EMILIN2: variants seen among roughly 807,000 people sequenced by gnomAD.
EMILIN2 encodes the protein elastin microfibril interfacer 2.
Under a neutral mutation model 87.1 loss-of-function variants are expected in EMILIN2, and 71 were observed. The observed-to-expected ratio is 0.82, with a 90% confidence interval of 0.67 to 0.99. The LOEUF (loss-of-function observed/expected upper bound fraction) is 0.99, where lower values mean the gene tolerates loss of function less well. Among genes scored for constraint, EMILIN2 ranks in the 50% least tolerant of loss-of-function variants. The pLI, the probability that EMILIN2 is intolerant of heterozygous loss-of-function variation, is 0.00. For missense variants in EMILIN2, 1,407 were observed against 1,371.8 expected (o/e 1.03, Z -0.40); for synonymous variants, 581 against 563.4 (o/e 1.03, Z -0.44).
chr18:2,854,866 C>G (rs1415765111), intron 2 of EMILIN2, among the ~76,000 whole-genome samples: 1 of 152,204 alleles, frequency 6.6e-6, no homozygotes, highest in Admixed American at 6.5e-5. Flanking sequence ...TTACATCTTC[C>G]AGAGCCAGTT....
chr18:2,858,569 A>ATATATATGTG lies in EMILIN2; in HGVS notation c.257+10639_257+10640insATATATGTGT, dbSNP rs1305555851. On this transcript the variant is annotated intron_variant, in intron 2 of 7. Coordinates refer to ENST00000254528, the MANE Select transcript of EMILIN2 (RefSeq NM_032048.3). ...TATATATATATATATATATATATATATGTGTGTGTGTGTGTATATATATAT... is the reference window on the plus strand; with the variant it reads ...TATATATATATATATATATATATATATATATATGTGTGTGTGTGTGTGTGTATATATATAT... 4.5e-4 allele frequency among the ~76,000 whole-genome samples: 25 copies of ATATATATGTG among 55,372 alleles called. 1 individual carries two copies. The highest frequency in any genetic ancestry group is 1.6e-3 in the African/African-American group (14 of 8,488). The allele number at this position is 55,372 out of a possible 152,430, so 36.3% of individuals were successfully genotyped here.
intron 2 of EMILIN2, among the ~76,000 whole-genome samples, chr18:2,855,901 G>A (rs529386268): frequency 1.6e-4 from 25 of 152,202 alleles, no homozygotes; most frequent in East Asian, 1.9e-4. Flanking sequence ...AACACTCACC[G>A]TTTTCATTGT....
chr18:2,848,168 C>A lies in EMILIN2; in HGVS notation c.257+237C>A, dbSNP rs2076585845. On this transcript the variant is annotated intron_variant, in intron 2 of 7. Transcript: ENST00000254528. This position sits in a 1 kb window ranked among gnomAD's most constrained non-coding sequence, Gnocchi z 4.1. ...TGCGCGCGCCTCGGGAGTGTGGGGT[C>A]GCGGGGGCGTAGGAGAGGATGAACA... Among the ~76,000 whole-genome samples, 2 of 152,086 alleles carry A rather than the reference C, an allele frequency of 1.3e-5. No individual in the cohort carries two copies. Among genetic ancestry groups the A allele is most frequent in the African/African-American group, 4.8e-5 (2 of 41,396 alleles).
At chr18:2,868,385 C>G (rs1420413446) in intron 2 of EMILIN2, among the ~76,000 whole-genome samples, 1 of 152,238 alleles carries the variant, frequency 6.6e-6, no homozygotes, top group Non-Finnish European at 1.5e-5. Context: ...CTCCTCACTT[C>G]CCCGACAGGG....
chr18:2,853,775 T>C (rs1369955295), intron 2 of EMILIN2, among the ~76,000 whole-genome samples: 10 of 152,188 alleles, frequency 6.6e-5, no homozygotes, highest in Admixed American at 6.5e-4. Flanking sequence ...AGGGTGCATG[T>C]GTGATGCCTA....
rs1437095513 is a variant in EMILIN2, at chr18:2,891,136, C to CT, written c.1010dup (p.Ala338GlyfsTer2). The CT allele has an allele frequency of 6.2e-7, 1 of 1,614,196 alleles. No individual in the cohort carries two copies. Among genetic ancestry groups the CT allele is most frequent in the African/African-American group, 1.3e-5 (1 of 75,054 alleles). ...GCTCATGGAGGGCATGGACAGAAAG[C>CT]TGGCTGACCTGAAAAACTCATGTGA... On this transcript the variant is annotated frameshift_variant, in exon 4 of 8. Transcript: ENST00000254528. LOFTEE classifies it high-confidence loss of function. The surrounding 1 kb of genome is among the most constrained non-coding windows in gnomAD (Gnocchi z 4.6).
At chr18:2,881,941 TGGG>T (rs1260494885) in intron 2 of EMILIN2, among the ~76,000 whole-genome samples, 1 of 151,782 alleles carries the variant, frequency 6.6e-6, no homozygotes, top group Non-Finnish European at 1.5e-5. Context: ...TTGGCCGAAG[TGGG>T]GGTTGCCTAC....
intron 3 of EMILIN2, 93 bp downstream of exon 3, chr18:2,885,232 T>TTG (rs1301493401): frequency 6.3e-5 from 86 of 1,365,852 alleles, no homozygotes; most frequent in Non-Finnish European, 8.0e-5. Context: ...ATGGTGAGCT[T>TTG]TGAATGGCCT....
In EMILIN2 at chr18:2,892,397, G is replaced by T. The variant is rs764816991; in HGVS notation, c.2270G>T (p.Gly757Val). 7 of 1,614,056 alleles carry T rather than the reference G, an allele frequency of 4.3e-6. No homozygotes were observed. The Admixed American group carries it at 8.3e-5, about 19-fold the overall frequency. Residue 757 changes from glycine to valine, a missense_variant, in exon 4 of 8, where the codon GGC becomes GTC. By Grantham distance (109) the Gly-to-Val change is moderately radical (BLOSUM62 -3). Transcript: ENST00000254528. Reference sequence around the variant, plus strand: ...AGGTCGCATTCCAGAGACATTTCTGGCCTGAAGAATTCAGTCCAGCAGTTC... The same window carrying T: ...AGGTCGCATTCCAGAGACATTTCTGTCCTGAAGAATTCAGTCCAGCAGTTC... ...TLRSHSRDIS[G>V]LKNSVQQFYS...
chr18:2,855,210 T>C (rs781326204), intron 2 of EMILIN2, among the ~76,000 whole-genome samples: 1 of 152,228 alleles, frequency 6.6e-6, no homozygotes, highest in East Asian at 1.9e-4. Context: ...GACCTTCCTT[T>C]CAGGTTTCTT....
Position 2,891,204 on chromosome 18 carries a change from G to T in EMILIN2, c.1077G>T (p.Gly359=), listed in dbSNP as rs2076834594. ...TGLQQQCDDY[G]SSYLGVIELI... ...TCCAGCAGCAGTGTGATGACTATGG[G>T]AGCAGCTACCTGGGAGTGATAGAGC... The change falls in exon 4 of 8, where the codon GGG becomes GGT. Residue 359 remains glycine, a synonymous_variant. Transcript: ENST00000254528. The surrounding 1 kb of genome is among the most constrained non-coding windows in gnomAD (Gnocchi z 4.6). 8 of 1,614,180 alleles carry T rather than the reference G, an allele frequency of 5.0e-6. No homozygotes were observed. The highest frequency in any genetic ancestry group is 6.8e-6 in the Non-Finnish European group (8 of 1,180,040).
Position 2,891,601 on chromosome 18 carries a change from C to G in EMILIN2, c.1474C>G (p.Gln492Glu). Residue 492 changes from glutamine (Q) to glutamate (E), a missense_variant, in exon 4 of 8, where the codon CAG becomes GAG. By Grantham distance (29) the Gln-to-Glu change is conservative (BLOSUM62 2). Coordinates refer to ENST00000254528, the MANE Select transcript of EMILIN2 (RefSeq NM_032048.3). This position sits in a 1 kb window ranked among gnomAD's most constrained non-coding sequence, Gnocchi z 4.6. ...EVGDLKQLVD[Q>E]KIQSLEDRLG... ...GGGTGACTTGAAGCAGCTTGTTGATCAGAAAATACAGTCTCTGGAAGACCG... is the reference window on the plus strand; with the variant it reads ...GGGTGACTTGAAGCAGCTTGTTGATGAGAAAATACAGTCTCTGGAAGACCG... 1 of 1,614,032 alleles carries G rather than the reference C, an allele frequency of 6.2e-7. No homozygotes were observed. Among genetic ancestry groups the G allele is most frequent in the Non-Finnish European group, 8.5e-7 (1 of 1,180,034 alleles).
chr18:2,849,227 A>G lies in EMILIN2; in HGVS notation c.257+1296A>G, dbSNP rs375094337. Among the ~76,000 whole-genome samples the G allele has an allele frequency of 3.3e-5, 5 of 152,342 alleles. No homozygotes were observed. The East Asian group carries it at 9.6e-4, about 29-fold the overall frequency. On this transcript the variant is annotated intron_variant, in intron 2 of 7. Transcript: ENST00000254528. ...GACATCAGAACCAAGCAAGGTTTTT[A>G]CACTGTGGGAGTGATACAAACTAAG...
intron 2 of EMILIN2, among the ~76,000 whole-genome samples, chr18:2,855,346 G>A (rs1302700899): frequency 6.6e-6 from 1 of 152,232 alleles, no homozygotes; most frequent in Non-Finnish European, 1.5e-5. Context: ...TCAGCCAGGA[G>A]ACTAGGCAGG....
rs546388595 is a variant in EMILIN2 at position 2,891,553 on chromosome 18, C to T, written c.1426C>T (p.Arg476Trp). 3.5e-5 allele frequency: 57 copies of T among 1,614,060 alleles called. No individual in the cohort carries two copies. The highest frequency in any genetic ancestry group is 3.5e-4 in the South Asian group (32 of 91,086). ...TTGCTTTTACATTGAGGAAACCCTT[C>T]GGGGCGCCATTAATGGAGAGGTGGG... ...EHCFYIEETL[R>W]GAINGEVGDL... Residue 476 changes from arginine (R) to tryptophan (W), a missense_variant, in exon 4 of 8, where the codon CGG (arginine) becomes TGG (tryptophan). Transcript: ENST00000254528. This position sits in a 1 kb window ranked among gnomAD's most constrained non-coding sequence, Gnocchi z 4.6.
At chr18:2,888,217 A>G (rs59562780) in intron 3 of EMILIN2, among the ~76,000 whole-genome samples, 3,217 of 152,264 alleles carry the variant, frequency 0.021, 118 homozygotes, top group African/African-American at 0.074. Flanking sequence ...TGTAGGGTCA[A>G]AAGATTCTGA....
At chr18:2,858,543 A>ATGTGTGTG (rs1485556382) in intron 2 of EMILIN2, among the ~76,000 whole-genome samples, 1 of 38,870 alleles carries the variant, frequency 2.6e-5, no homozygotes, top group African/African-American at 1.6e-4. Context: ...ATATATATAT[A>ATGTGTGTG]TATATATATA....
chr18:2,909,851 C>G (rs369605050), intron 7 of EMILIN2, 32 bp downstream of exon 7: 152 of 1,604,496 alleles, frequency 9.5e-5, no homozygotes, highest in Non-Finnish European at 1.0e-4. Context: ...GTACTGTGTC[C>G]TCCTCCTACC....
At chr18:2,909,605 T>C in intron 6 of EMILIN2, 86 bp from the exon 7 acceptor site, 1 of 1,530,862 alleles carries the variant, frequency 6.5e-7, no homozygotes, top group Non-Finnish European at 8.8e-7. Flanking sequence ...CACCTGGGCC[T>C]GGCACGTAGG....
Sources: gnomAD v4.1 joint callset for allele counts (sites outside exome capture counted in the v4.1 genomes callset) on GRCh38, gnomAD v4.1.1 for gene constraint, Gnocchi (gnomAD v3.1) non-coding constraint, MANE v1.5 for transcripts, NCBI Gene and HGNC (gene_info 2026-07-23, HGNC 2026-07-21) for gene names.